Variants in PTBP2 observed in about 807,000 individuals in gnomAD.
PTBP2 encodes polypyrimidine tract binding protein 2, also known as polypyrimidine tract-binding protein 2.
PTBP2 carries 13 observed loss-of-function variants against 61.4 expected under a neutral mutation model. The ratio of observed to expected loss-of-function variants is 0.21; its 90% CI spans 0.14 to 0.34. The LOEUF (loss-of-function observed/expected upper bound fraction) is 0.34, where lower values mean the gene tolerates loss of function less well. PTBP2 is among the 10% of genes least tolerant of loss of function. The pLI is 1.00. For missense variants in PTBP2, 405 were observed against 642.6 expected (o/e 0.63, Z 4.00); for synonymous variants, 215 against 218.5 (o/e 0.98, Z 0.14).
intron 3 of PTBP2, among the ~76,000 whole-genome samples, chr1:96,765,436 G>T (rs1656572868): frequency 1.3e-5 from 2 of 152,178 alleles, no homozygotes; most frequent in Non-Finnish European, 2.9e-5. Flanking sequence ...AGTAGGCCAG[G>T]TGCTGTGGCT....
chr1:96,722,482 G>A (rs1242640710), intron 1 of PTBP2, among the ~76,000 whole-genome samples: 1 of 150,388 alleles, frequency 6.6e-6, no homozygotes, highest in East Asian at 2.0e-4. Context: ...GGGGAGGGCA[G>A]ATGTCATACT....
intron 2 of PTBP2, among the ~76,000 whole-genome samples, chr1:96,726,673 G>A (rs757335624): frequency 2.6e-5 from 4 of 152,030 alleles, no homozygotes; most frequent in South Asian, 2.1e-4. Flanking sequence ...TCCTGACCTC[G>A]TGATCTGCCT....
intron 2 of PTBP2, among the ~76,000 whole-genome samples, chr1:96,737,742 G>C (rs1226777586): frequency 2.0e-5 from 3 of 152,172 alleles, no homozygotes; most frequent in Non-Finnish European, 4.4e-5. Flanking sequence ...CAGTAATATG[G>C]AGAGCTTTGA....
intron 3 of PTBP2, among the ~76,000 whole-genome samples, chr1:96,767,611 A>G (rs1179522199): frequency 6.6e-6 from 1 of 152,106 alleles, no homozygotes; most frequent in Non-Finnish European, 1.5e-5. Flanking sequence ...TCAGAATAAT[A>G]TGTGTTCCTT....
intron 2 of PTBP2, among the ~76,000 whole-genome samples, chr1:96,729,771 C>G (rs1651138343): frequency 7.5e-6 from 1 of 132,834 alleles, no homozygotes; most frequent in Non-Finnish European, 1.5e-5. Flanking sequence ...GAGCCTTGCT[C>G]TGTCGCCCGG....
exon 14 of PTBP2, chr1:96,823,636 T>G (rs1470962757): frequency 6.6e-6 from 1 of 152,180 alleles, no homozygotes; most frequent in Non-Finnish European, 1.5e-5. Flanking sequence ...AGAAACAGAT[T>G]AATGATTGAA....
intron 5 of PTBP2, 79 bp from the exon 6 acceptor site, chr1:96,777,506 G>A: frequency 7.9e-7 from 1 of 1,271,468 alleles, no homozygotes. Context: ...TAGGAACAAA[G>A]TGAACTAGTA....
chr1:96,814,542 A>G lies in PTBP2; in HGVS notation c.*1137A>G, dbSNP rs1456769575. Reference sequence around the variant, plus strand: ...GTATTTAGGAATAGATCTGACTTTAATAAAAACATGGCTCAGAATCTACAG... The same window carrying G: ...GTATTTAGGAATAGATCTGACTTTAGTAAAAACATGGCTCAGAATCTACAG... On this transcript the variant is annotated 3_prime_UTR_variant, in exon 14 of 14. Coordinates refer to ENST00000674951, the MANE Select transcript of PTBP2 (RefSeq NM_021190.4). 1 of 152,550 alleles carries G rather than the reference A, an allele frequency of 6.6e-6. No individual in the cohort carries two copies. The highest frequency in any genetic ancestry group is 1.5e-5 in the Non-Finnish European group (1 of 67,976). The allele number at this position is 152,550 out of a possible 1,614,324, so 9.4% of individuals were successfully genotyped here.
Position 96,757,680 on chromosome 1 carries a change from T to C in PTBP2, c.115+6180T>C, listed in dbSNP as rs927524840. 9.2e-5 allele frequency among the ~76,000 whole-genome samples: 14 copies of C among 152,282 alleles called. No homozygotes were observed. The South Asian group carries it at 2.7e-3, about 29-fold the overall frequency. On this transcript the variant is annotated intron_variant, in intron 3 of 13. Transcript: ENST00000674951. Reference sequence around the variant, plus strand: ...ACATTCACAATGATAGACCTTATATTGGATTATAAAATAACTCAATAAATT... The same window carrying C: ...ACATTCACAATGATAGACCTTATATCGGATTATAAAATAACTCAATAAATT...
chr1:96,760,528 C>G lies in PTBP2; in HGVS notation c.115+9028C>G, dbSNP rs201033808. 2.7e-5 allele frequency among the ~76,000 whole-genome samples: 4 copies of G among 148,606 alleles called. No homozygotes were observed. In the East Asian group the frequency reaches 5.9e-4, roughly 22 times the overall value. ...TGGCATGATCTCAGCTTACTGCAAC[C>G]TCCGCCTCCTGGGTTCAAGCGATTC... On this transcript the variant is annotated intron_variant, in intron 3 of 13. Transcript: ENST00000674951.
intron 10 of PTBP2, 92 bp downstream of exon 10, chr1:96,806,544 G>T: frequency 7.4e-7 from 1 of 1,359,986 alleles, no homozygotes; most frequent in Non-Finnish European, 1.0e-6. Flanking sequence ...GCTTAAAGTT[G>T]AATAGTAAAT....
At chr1:96,723,486 C>G (rs1649929144) in intron 1 of PTBP2, 78 bp from the exon 2 acceptor site, 1 of 1,222,572 alleles carries the variant, frequency 8.2e-7, no homozygotes, top group African/African-American at 1.5e-5. Context: ...GATGGACTAT[C>G]CTAAAAAGTT....
intron 5 of PTBP2, among the ~76,000 whole-genome samples, chr1:96,773,581 C>T (rs1295891872): frequency 1.3e-5 from 2 of 151,942 alleles, no homozygotes; most frequent in Non-Finnish European, 2.9e-5. Context: ...GTATGCTTTC[C>T]TCTAGGATAA....
intron 11 of PTBP2, among the ~76,000 whole-genome samples, chr1:96,808,826 C>T (rs566978030): frequency 1.3e-5 from 2 of 151,184 alleles, no homozygotes; most frequent in African/African-American, 2.4e-5. Flanking sequence ...CACACACACA[C>T]GCATACACTC....
intron 2 of PTBP2, among the ~76,000 whole-genome samples, chr1:96,740,950 ATTAGAGTTTCTCATAGATTGTG>A (rs1263117022): frequency 1.3e-5 from 2 of 152,042 alleles, no homozygotes; most frequent in East Asian, 3.9e-4. Context: ...ACGTGTTAAT[ATTAGAGTTTCTCATAGATTGTG>A]TCTTTTCAAA....
intron 3 of PTBP2, among the ~76,000 whole-genome samples, chr1:96,767,224 A>G (rs780438584): frequency 2.0e-5 from 3 of 152,140 alleles, no homozygotes; most frequent in Non-Finnish European, 4.4e-5. Flanking sequence ...TCCAGAAAAC[A>G]TCCAACACAA....
At chr1:96,791,838 T>TTTTTTTG (rs1557759290) in intron 8 of PTBP2, among the ~76,000 whole-genome samples, 13 of 137,620 alleles carry the variant, frequency 9.4e-5, no homozygotes, top group African/African-American at 2.2e-4. Context: ...TTTTTTTTTT[T>TTTTTTTG]TTTTTTTTTT....
chr1:96,776,381 TGTTGA>T (rs1227995203), intron 5 of PTBP2, among the ~76,000 whole-genome samples: 1 of 151,978 alleles, frequency 6.6e-6, no homozygotes, highest in Non-Finnish European at 1.5e-5. Context: ...CATTTCAAAA[TGTTGA>T]GTTTTAATTA....
At chr1:96,822,467 T>G (rs1293854037) in exon 14 of PTBP2, 1 of 152,190 alleles carries the variant, frequency 6.6e-6, no homozygotes, top group Non-Finnish European at 1.5e-5. Context: ...GCTAAGTTGT[T>G]TGGGCTCCAC....
Sources: gnomAD v4.1 joint callset for allele counts (sites outside exome capture counted in the v4.1 genomes callset) on GRCh38, gnomAD v4.1.1 for gene constraint, MANE v1.5 for transcripts, NCBI Gene and HGNC (gene_info 2026-07-23, HGNC 2026-07-21) for gene names.